The following ITGAV variants were observed in gnomAD, a reference collection of about 807,000 sequenced individuals.
ITGAV encodes integrin subunit alpha V.
ITGAV carries 76 observed loss-of-function variants against 143.8 expected under a neutral mutation model. That is an observed-to-expected ratio of 0.53 (90% confidence interval 0.44 to 0.64). The LOEUF is 0.64. Among genes scored for constraint, ITGAV ranks in the 30% least tolerant of loss-of-function variants. The probability of loss-of-function intolerance (pLI) is 0.00; values close to 1 mark genes in which losing one functional copy is unlikely to be tolerated. For missense variants in ITGAV, 1,193 were observed against 1,274.7 expected, an observed-to-expected ratio of 0.94 and a Z score of 0.98; for synonymous variants, 453 against 446.7, an observed-to-expected ratio of 1.01 and a Z score of -0.18.
chr2:186,651,711 G>A (rs1383779905), intron 14 of ITGAV, among the ~76,000 whole-genome samples: 1 of 152,110 alleles, frequency 6.6e-6, no homozygotes, highest in Non-Finnish European at 1.5e-5. Flanking sequence ...TTTAGTGACT[G>A]AATTCATATA....
At chr2:186,641,200 T>C in intron 11 of ITGAV, 186 bp from the exon 12 acceptor site, 1 of 619,280 alleles carries the variant, frequency 1.6e-6, no homozygotes, top group Admixed American at 3.0e-5. Flanking sequence ...TTATGAATTA[T>C]TCATAGTTTC....
chr2:186,590,593 A>T (rs566138200), intron 1 of ITGAV, 70 bp downstream of exon 1: 7 of 1,377,674 alleles, frequency 5.1e-6, no homozygotes, highest in Admixed American at 2.2e-5. Context: ...GCGTTTCTCC[A>T]TTGGGATTGA....
intron 2 of ITGAV, among the ~76,000 whole-genome samples, chr2:186,612,854 C>G (rs577977938): frequency 6.6e-6 from 1 of 152,216 alleles, no homozygotes; most frequent in African/African-American, 2.4e-5. Flanking sequence ...TTTCCCTTCC[C>G]TTGTTAATAC....
At chr2:186,656,216 A>G in intron 16 of ITGAV, 31 bp from the exon 17 acceptor site, 1 of 1,532,246 alleles carries the variant, frequency 6.5e-7, no homozygotes, top group Non-Finnish European at 8.8e-7. Context: ...CATAAAGAAT[A>G]TGTTGGTTAT....
At chr2:186,601,461 T>C (rs1000600289) in intron 1 of ITGAV, among the ~76,000 whole-genome samples, 61 of 145,412 alleles carry the variant, frequency 4.2e-4, no homozygotes, top group African/African-American at 1.3e-3. Context: ...CTGTGTCTCT[T>C]AAAAAAAAAA....
At chr2:186,673,886 T>C (rs906806266) in intron 26 of ITGAV, among the ~76,000 whole-genome samples, 1 of 152,110 alleles carries the variant, frequency 6.6e-6, no homozygotes, top group Admixed American at 6.5e-5. Flanking sequence ...GTCAGTCTGG[T>C]CTCGAACTCC....
At chr2:186,631,643 G>C (rs898799204) in intron 5 of ITGAV, among the ~76,000 whole-genome samples, 4 of 152,198 alleles carry the variant, frequency 2.6e-5, no homozygotes, top group Non-Finnish European at 5.9e-5. Context: ...CGCTTTCTTA[G>C]AAATGTGAGC....
chr2:186,593,325 A>G (rs1686664948), intron 1 of ITGAV, among the ~76,000 whole-genome samples: 1 of 152,204 alleles, frequency 6.6e-6, no homozygotes, highest in Non-Finnish European at 1.5e-5. Context: ...ATCAATATTT[A>G]TTAAAGGGAA....
chr2:186,635,497 G>A (rs1258068845), intron 6 of ITGAV, among the ~76,000 whole-genome samples: 1 of 152,176 alleles, frequency 6.6e-6, no homozygotes, highest in Non-Finnish European at 1.5e-5. Context: ...TTCTAAAACA[G>A]CAGAAATGAT....
intron 2 of ITGAV, among the ~76,000 whole-genome samples, chr2:186,618,789 G>A (rs564329770): frequency 1.4e-4 from 22 of 152,292 alleles, no homozygotes; most frequent in Non-Finnish European, 5.9e-5. Context: ...TGGCATAAAA[G>A]CTCTTGACAA....
intron 8 of ITGAV, 137 bp downstream of exon 8, chr2:186,637,246 C>A: frequency 1.4e-6 from 1 of 693,110 alleles, no homozygotes; most frequent in South Asian, 1.6e-5. Flanking sequence ...CTTTGGGAGG[C>A]TGAGGCGGGT....
intron 10 of ITGAV, among the ~76,000 whole-genome samples, chr2:186,639,341 A>G (rs1688040282): frequency 6.6e-6 from 1 of 152,304 alleles, no homozygotes; most frequent in South Asian, 2.1e-4. Flanking sequence ...GCTTTGGGAT[A>G]GGATTGACAG....
At chr2:186,639,682 G>A (rs1688049634) in intron 10 of ITGAV, among the ~76,000 whole-genome samples, 1 of 152,126 alleles carries the variant, frequency 6.6e-6, no homozygotes, top group Non-Finnish European at 1.5e-5. Flanking sequence ...TTATTGCATT[G>A]GATAAGGTAT....
chr2:186,625,389 A>T, intron 3 of ITGAV, 84 bp from the exon 4 acceptor site: 1 of 773,558 alleles, frequency 1.3e-6, no homozygotes, highest in Non-Finnish European at 2.2e-6. Context: ...AGAAAGTGGT[A>T]TTATATTCTG....
rs377467727 is a variant in ITGAV, at chr2:186,590,411, C to G, written c.73C>G (p.Leu25Val). ...CCCGCTTCTTCTCTCGGGACTCCTG[C>G]TACCTCTGTGCCGCGCCTTCAACCT... ...GLPLLLSGLLLPLCRAFNLDV... is the reference protein window; with the variant it reads ...GLPLLLSGLLVPLCRAFNLDV... Residue 25 changes from leucine (L) to valine (V), a missense_variant, in exon 1 of 30, where the codon CTA (leucine) becomes GTA (valine). Transcript: ENST00000261023. 1.2e-5 allele frequency: 19 copies of G among 1,612,484 alleles called. No homozygotes were observed. In the African/African-American group the frequency reaches 2.4e-4, roughly 20 times the overall value.
chr2:186,590,673 G>A, intron 1 of ITGAV, 150 bp downstream of exon 1: 1 of 686,148 alleles, frequency 1.5e-6, no homozygotes, highest in Non-Finnish European at 2.3e-6. Context: ...ATCCTGGGTG[G>A]AGGAAATATT....
intron 2 of ITGAV, among the ~76,000 whole-genome samples, chr2:186,602,857 A>T (rs2105656624): frequency 7.0e-6 from 1 of 141,874 alleles, no homozygotes; most frequent in South Asian, 2.4e-4. Context: ...AGCCTGGGTG[A>T]CAGAGGGAGA....
chr2:186,656,152 A>G, intron 16 of ITGAV, 95 bp from the exon 17 acceptor site: 2 of 827,982 alleles, frequency 2.4e-6, no homozygotes, highest in Non-Finnish European at 3.7e-6. Flanking sequence ...TTACTTCTTA[A>G]GGAATAAAGA....
chr2:186,636,219 C>A lies in ITGAV; in HGVS notation c.757+12C>A, dbSNP rs200818475. The A allele has an allele frequency of 4.5e-5, 72 of 1,603,936 alleles. No individual in the cohort carries two copies. The African/African-American group carries it at 9.0e-4, about 20-fold the overall frequency. ...TGACAGCTATTTGGGTAGGTAAAAC[C>A]AAAATTTACTCATTTTTGGAACTGT... is the stretch of plus-strand genomic sequence containing the variant. On this transcript the variant is annotated intron_variant, in intron 7 of 29. Transcript: ENST00000261023.
Sources: gnomAD v4.1 joint callset for allele counts (sites outside exome capture counted in the v4.1 genomes callset) on GRCh38, gnomAD v4.1.1 for gene constraint, MANE v1.5 for transcripts, NCBI Gene and HGNC (gene_info 2026-07-23, HGNC 2026-07-21) for gene names.